Variants in NAA30 observed in about 807,000 individuals in gnomAD.
NAA30 encodes N-alpha-acetyltransferase 30, NatC catalytic subunit.
NAA30 carries 5 observed loss-of-function variants against 31.4 expected under a neutral mutation model. That is an observed-to-expected ratio of 0.16 (90% CI 0.08 to 0.33). The LOEUF is 0.33. Among genes scored for constraint, NAA30 ranks in the 10% least tolerant of loss-of-function variants. The pLI is 1.00. For missense variants in NAA30, 428 were observed against 490.8 expected (o/e 0.87, Z 1.21); for synonymous variants, 222 against 207.1 (o/e 1.07, Z -0.62).
At chr14:57,400,721 A>T (rs2066471797) in intron 4 of NAA30, among the ~76,000 whole-genome samples, 1 of 152,222 alleles carries the variant, frequency 6.6e-6, no homozygotes, top group Non-Finnish European at 1.5e-5. Context: ...GACTTAAAAG[A>T]AATGGAGTGT....
Position 57,409,550 on chromosome 14 carries a change from C to T in NAA30, c.*34C>T. On this transcript the variant is annotated 3_prime_UTR_variant, in exon 5 of 5. Transcript: ENST00000556492. ...CATCAAGGAACAACTATCATCCGCA[C>T]AGAATCGACCTTTGCATGCAATGCA... The T allele has an allele frequency of 6.4e-7, 1 of 1,559,084 alleles. No homozygotes were observed. The highest frequency in any genetic ancestry group is 8.6e-7 in the Non-Finnish European group (1 of 1,158,490).
Position 57,410,215 on chromosome 14 carries a change from T to C in NAA30, c.*699T>C, listed in dbSNP as rs2066517238. 1 of 152,642 alleles carries C rather than the reference T, an allele frequency of 6.6e-6. No individual in the cohort carries two copies. Among genetic ancestry groups the C allele is most frequent in the African/African-American group, 2.4e-5 (1 of 41,462 alleles). 9.5% of individuals were successfully genotyped at this position (152,642 alleles called of 1,614,324 possible). A position where few individuals can be genotyped will look rare whatever the true frequency, so the allele number is the denominator to read the frequency against. On this transcript the variant is annotated 3_prime_UTR_variant, in exon 5 of 5. Transcript: ENST00000556492. The stretch of plus-strand genomic sequence containing the variant: ...TTTAAATTCTAAATTTGATAAATTA[T>C]TTCAGATTTTTATAATTTGGATACT...
chr14:57,393,837 C>T (rs113320757), intron 2 of NAA30, among the ~76,000 whole-genome samples: 6,853 of 152,122 alleles, frequency 0.045, 233 homozygotes, highest in Non-Finnish European at 0.07. Context: ...ACCCAGTTCT[C>T]CTGGCCTCTC....
chr14:57,403,878 G>C (rs1294321803), intron 4 of NAA30, among the ~76,000 whole-genome samples: 1 of 152,110 alleles, frequency 6.6e-6, no homozygotes, highest in Non-Finnish European at 1.5e-5. Context: ...TTTTTTTCCT[G>C]AAGTAAATTA....
intron 2 of NAA30, among the ~76,000 whole-genome samples, chr14:57,392,622 G>A (rs2066434467): frequency 6.6e-6 from 1 of 152,100 alleles, no homozygotes; most frequent in African/African-American, 2.4e-5. Flanking sequence ...CTTAAACGTT[G>A]ACTGCAGGTG....
At position 57,410,227 on chromosome 14, in the gene NAA30, A is replaced by G. The variant is rs1354650176; in HGVS notation, c.*711A>G. The G allele has an allele frequency of 1.3e-5, 2 of 152,660 alleles. No homozygotes were observed. The highest frequency in any genetic ancestry group is 2.9e-5 in the Non-Finnish European group (2 of 68,004). 9.5% of individuals were successfully genotyped at this position (152,660 alleles called of 1,614,324 possible). A position where few individuals can be genotyped will look rare whatever the true frequency, so the allele number is the denominator to read the frequency against. On this transcript the variant is annotated 3_prime_UTR_variant, in exon 5 of 5. Coordinates refer to ENST00000556492, the MANE Select transcript of NAA30 (RefSeq NM_001011713.3). ...ATTTGATAAATTATTTCAGATTTTTATAATTTGGATACTTTTTTCAGGTGA... is the reference window on the plus strand; with the variant it reads ...ATTTGATAAATTATTTCAGATTTTTGTAATTTGGATACTTTTTTCAGGTGA...
intron 3 of NAA30, 31 bp from the exon 4 acceptor site, chr14:57,399,797 T>C (rs767747130): frequency 1.8e-6 from 2 of 1,120,350 alleles, no homozygotes; most frequent in Admixed American, 4.0e-5. Context: ...AATACATTTT[T>C]CCTTCATTAA....
intron 2 of NAA30, among the ~76,000 whole-genome samples, chr14:57,392,141 T>A (rs1193441842): frequency 6.6e-6 from 1 of 152,242 alleles, no homozygotes; most frequent in Non-Finnish European, 1.5e-5. Flanking sequence ...GGGAAGAGTG[T>A]ATGCATAAAC....
Position 57,404,800 on chromosome 14 carries a change from C to T in NAA30, c.952-4579C>T, listed in dbSNP as rs570573559. Among the ~76,000 whole-genome samples, 73 of 152,178 alleles carry T rather than the reference C, an allele frequency of 4.8e-4. 1 individual carries two copies. The highest frequency in any genetic ancestry group is 7.9e-4 in the Non-Finnish European group (54 of 68,008). ...TCCTCTTTTTAAAACCATCGGATCT[C>T]GTGAGACTTAATTCACTCACGAGAA... On this transcript the variant is annotated intron_variant, in intron 4 of 4. Coordinates refer to ENST00000556492, the MANE Select transcript of NAA30 (RefSeq NM_001011713.3).
intron 4 of NAA30, among the ~76,000 whole-genome samples, chr14:57,400,564 G>A (rs1329833097): frequency 2.0e-5 from 3 of 152,172 alleles, no homozygotes; most frequent in Admixed American, 1.3e-4. Flanking sequence ...CTAAGGAGGA[G>A]CAAAGTTGTA....
rs562520874 is a variant in NAA30, at chr14:57,411,368, A to T, written c.*1852A>T. On this transcript the variant is annotated 3_prime_UTR_variant, in exon 5 of 5. Transcript: ENST00000556492. ...AGGCACTAGCATTTAGAAGAATACC[A>T]ATCACAGTGATGCTTTTGTTATTTA... The T allele has an allele frequency of 2.0e-5, 3 of 152,302 alleles. No individual in the cohort carries two copies. In the East Asian group the frequency reaches 5.8e-4, roughly 29 times the overall value. 9.4% of individuals were successfully genotyped at this position (152,302 alleles called of 1,614,324 possible).
At chr14:57,407,523 A>C (rs1194957783) in intron 4 of NAA30, among the ~76,000 whole-genome samples, 1 of 152,202 alleles carries the variant, frequency 6.6e-6, no homozygotes, top group Non-Finnish European at 1.5e-5. Flanking sequence ...GGAGGATAGG[A>C]AGAGCATTCT....
rs1472205263 is a variant in NAA30 at position 57,412,581 on chromosome 14, C to T, written c.*3065C>T. On this transcript the variant is annotated 3_prime_UTR_variant, in exon 5 of 5. Transcript: ENST00000556492. ...TTGACGTCAGATATGAGTTGAGTAT[C>T]TATAAAATATCACGTGTATCTCAAA... 2.6e-5 allele frequency: 4 copies of T among 152,146 alleles called. No homozygotes were observed. Among genetic ancestry groups the T allele is most frequent in the Non-Finnish European group, 5.9e-5 (4 of 68,016 alleles). 9.4% of individuals were successfully genotyped at this position (152,146 alleles called of 1,614,324 possible).
intron 3 of NAA30, among the ~76,000 whole-genome samples, chr14:57,399,569 G>T (rs1295322454): frequency 6.6e-6 from 1 of 152,170 alleles, no homozygotes; most frequent in Admixed American, 6.5e-5. Flanking sequence ...ACTCCTGCTT[G>T]TGGCAAATAA....
chr14:57,409,354 T>A (rs367695961), intron 4 of NAA30, 25 bp from the exon 5 acceptor site: 1 of 1,556,696 alleles, frequency 6.4e-7, no homozygotes, highest in Admixed American at 2.0e-5. Context: ...AATTATAACT[T>A]AGTTTTTTTC....
At chr14:57,390,902 C>T (rs1402906447) in intron 1 of NAA30, 55 bp from the exon 2 acceptor site, 13 of 1,448,256 alleles carry the variant, frequency 9.0e-6, no homozygotes, top group South Asian at 1.6e-5. Flanking sequence ...CCCCTGTTCT[C>T]CGCGCTCCTC....
chr14:57,392,231 T>C (rs575010280), intron 2 of NAA30, among the ~76,000 whole-genome samples: 43 of 152,262 alleles, frequency 2.8e-4, no homozygotes, highest in African/African-American at 1.0e-3. Flanking sequence ...TTTCGGTAAT[T>C]ATGGAGATGT....
At position 57,391,416 on chromosome 14, in the gene NAA30, G is replaced by T. The variant is rs776076457; in HGVS notation, c.459G>T (p.Pro153=). 2 of 1,607,130 alleles carry T rather than the reference G, an allele frequency of 1.2e-6. No homozygotes were observed. Among genetic ancestry groups the T allele is most frequent in the African/African-American group, 2.7e-5 (2 of 74,810 alleles). Residue 153 remains proline, a synonymous_variant, in exon 2 of 5, where the codon CCG becomes CCT. Coordinates refer to ENST00000556492, the MANE Select transcript of NAA30 (RefSeq NM_001011713.3). This position sits in a 1 kb window ranked among gnomAD's most constrained non-coding sequence, Gnocchi z 4.1. ...ATGCAAGAACTGCGGTCCCCAGCCC[G>T]GTGGAGGCAGCGGCGGCGAGCGATC... is the stretch of plus-strand genomic sequence containing the variant. ...SSNARTAVPS[P]VEAAAASDPA...
chr14:57,409,565 C>T lies in NAA30; in HGVS notation c.*49C>T, dbSNP rs752402671. 7.8e-6 allele frequency: 12 copies of T among 1,532,546 alleles called. No individual in the cohort carries two copies. Among genetic ancestry groups the T allele is most frequent in the Non-Finnish European group, 1.0e-5 (12 of 1,143,204 alleles). 94.9% of individuals were successfully genotyped at this position (1,532,546 alleles called of 1,614,324 possible). On this transcript the variant is annotated 3_prime_UTR_variant, in exon 5 of 5. Transcript: ENST00000556492. ...ATCATCCGCACAGAATCGACCTTTG[C>T]ATGCAATGCAATTTGTACAGAATTG... is the stretch of plus-strand genomic sequence containing the variant.
Sources: allele counts gnomAD v4.1 joint callset (sites outside exome capture counted in the v4.1 genomes callset), GRCh38; gene constraint gnomAD v4.1.1; non-coding constraint Gnocchi (gnomAD v3.1); transcripts MANE v1.5; gene names NCBI Gene and HGNC (gene_info 2026-07-23, HGNC 2026-07-21).